Variants in IL1RAPL1 observed in about 807,000 individuals in gnomAD.
The protein encoded by IL1RAPL1 is interleukin 1 receptor accessory protein like 1, also known as interleukin-1 receptor accessory protein-like 1.
In IL1RAPL1, 3 loss-of-function variants were observed where a neutral mutation model predicts 48.4. That is an observed-to-expected ratio of 0.06 (90% CI 0.03 to 0.16). IL1RAPL1 has a LOEUF of 0.16. IL1RAPL1 is among the 10% of genes least tolerant of loss of function. The probability of loss-of-function intolerance (pLI) is 1.00; values close to 1 mark genes in which losing one functional copy is unlikely to be tolerated. For synonymous variants in IL1RAPL1, 185 were observed against 187.7 expected, an observed-to-expected ratio of 0.99 and a Z score of 0.12; for missense variants, 349 against 530.6, an observed-to-expected ratio of 0.66 and a Z score of 3.36.
intron 5 of IL1RAPL1, among the ~76,000 whole-genome samples, chrX:29,531,555 G>A (rs758817527): frequency 7.2e-5 from 8 of 111,564 alleles, no homozygotes; most frequent in Admixed American, 3.8e-4. Flanking sequence ...GAATGAAACC[G>A]AACGCAGAGT....
intron 2 of IL1RAPL1, among the ~76,000 whole-genome samples, chrX:29,163,615 T>A: frequency 9.0e-6 from 1 of 110,937 alleles, no homozygotes; most frequent in Non-Finnish European, 1.9e-5. Context: ...ACCTCTGAAG[T>A]AGGACATGGC....
intron 2 of IL1RAPL1, among the ~76,000 whole-genome samples, chrX:29,055,495 C>A (rs1448354912): frequency 8.9e-6 from 1 of 111,781 alleles, no homozygotes; most frequent in African/African-American, 3.2e-5. Flanking sequence ...ACTTGAAAAA[C>A]ATACTCAGTA....
chrX:28,598,282 A>G (rs956759345), intron 1 of IL1RAPL1, among the ~76,000 whole-genome samples: 1 of 111,960 alleles, frequency 8.9e-6, no homozygotes, highest in Non-Finnish European at 1.9e-5. Context: ...GCCTCCTAGT[A>G]ATAAAAAATC....
In IL1RAPL1 at chrX:29,704,723, C is replaced by T. The variant is rs189225975; in HGVS notation, c.778+36219C>T. On this transcript the variant is annotated intron_variant, in intron 6 of 10. Transcript: ENST00000378993. ...ACCTATTTTAGAACTACAGAAATTT[C>T]ACCCAGGTTGAACTAAATCTAGCTT... Among the ~76,000 whole-genome samples the T allele has an allele frequency of 6.2e-3, 688 of 111,317 alleles. 5 individuals are homozygous for T. The highest frequency in any genetic ancestry group is 0.012 in the South Asian group (33 of 2,641).
At chrX:29,706,130 C>T (rs994312788) in intron 6 of IL1RAPL1, among the ~76,000 whole-genome samples, 1 of 111,239 alleles carries the variant, frequency 9.0e-6, no homozygotes, top group Non-Finnish European at 1.9e-5. Flanking sequence ...CATTCAGTAT[C>T]ACGAGAACAG....
chrX:28,880,529 C>G (rs1922476769), intron 2 of IL1RAPL1, among the ~76,000 whole-genome samples: 1 of 112,099 alleles, frequency 8.9e-6, no homozygotes, highest in African/African-American at 3.2e-5. Context: ...AATTTAAAAC[C>G]AAAGAAATGG....
At chrX:29,605,954 A>G (rs1211561198) in intron 5 of IL1RAPL1, among the ~76,000 whole-genome samples, 1 of 112,030 alleles carries the variant, frequency 8.9e-6, no homozygotes, top group Admixed American at 9.4e-5. Context: ...ATGATATATA[A>G]CAGAAACATT....
intron 5 of IL1RAPL1, among the ~76,000 whole-genome samples, chrX:29,606,648 AC>A (rs1224496715): frequency 3.6e-5 from 4 of 112,258 alleles, no homozygotes; most frequent in Non-Finnish European, 7.5e-5. Context: ...TACAGTCTCT[AC>A]CACACAGACT....
chrX:29,281,590 T>C (rs2147599049), intron 2 of IL1RAPL1, among the ~76,000 whole-genome samples: 2 of 111,707 alleles, frequency 1.8e-5, no homozygotes, highest in South Asian at 7.6e-4. Context: ...TACCTCTGTC[T>C]CTGGCTGGGA....
chrX:29,237,387 G>A (rs1269080384), intron 2 of IL1RAPL1, among the ~76,000 whole-genome samples: 1 of 112,420 alleles, frequency 8.9e-6, no homozygotes, highest in African/African-American at 3.2e-5. Flanking sequence ...CCTTAGCTAT[G>A]AAATGCTGTA....
intron 1 of IL1RAPL1, among the ~76,000 whole-genome samples, chrX:28,619,607 C>CAAA (rs55856491): frequency 1.7e-5 from 1 of 57,292 alleles, no homozygotes; most frequent in Non-Finnish European, 3.3e-5. Context: ...ACCCCGTCTC[C>CAAA]AAAAAAAAAA....
At chrX:29,858,341 A>C (rs943620394) in intron 6 of IL1RAPL1, among the ~76,000 whole-genome samples, 6 of 111,548 alleles carry the variant, frequency 5.4e-5, no homozygotes, top group Non-Finnish European at 1.1e-4. Flanking sequence ...TCACTTTCAC[A>C]GTACCTCTGA....
At chrX:29,496,134 A>G (rs978925997) in intron 5 of IL1RAPL1, among the ~76,000 whole-genome samples, 9 of 111,864 alleles carry the variant, frequency 8.0e-5, no homozygotes, top group Non-Finnish European at 1.1e-4. Context: ...CTTACATTCA[A>G]TGTTTCTAAA....
In IL1RAPL1 at chrX:29,399,256, A is replaced by C. The variant is rs775759727; in HGVS notation, c.651A>C (p.Glu217Asp). The change falls in exon 5 of 11, where the codon GAA becomes GAC. Residue 217 changes from glutamate to aspartate, a missense_variant. By Grantham distance (45) the Glu-to-Asp change is conservative. Around this residue, in one of 3 missense-constraint regions of IL1RAPL1, gnomAD observed 238 missense variants for 337.8 expected, o/e 0.70. Coordinates refer to ENST00000378993, the MANE Select transcript of IL1RAPL1 (RefSeq NM_014271.4). Reference sequence around the variant, plus strand: ...ATGACATTGGAAATTATACCTGTGAATTAAAATATGGAGGCTTTGTTGTGA... The same window carrying C: ...ATGACATTGGAAATTATACCTGTGACTTAAAATATGGAGGCTTTGTTGTGA... Reference protein sequence around the residue: ...REDDIGNYTCELKYGGFVVRR... With the variant: ...REDDIGNYTCDLKYGGFVVRR... 8.2e-5 allele frequency: 98 copies of C among 1,201,156 alleles called. No homozygotes were observed. The Middle Eastern group carries it at 1.8e-3, about 23-fold the overall frequency.
chrX:29,065,320 C>A (rs1927431345), intron 2 of IL1RAPL1, among the ~76,000 whole-genome samples: 1 of 111,205 alleles, frequency 9.0e-6, no homozygotes, highest in Admixed American at 9.6e-5. Context: ...GATTTTGTTT[C>A]TTTCAGTACT....
At position 29,006,647 on chromosome X, in the gene IL1RAPL1, A is replaced by ATATGTG. The variant is rs1274128284; in HGVS notation, c.82+217223_82+217224insATGTGT. ...CCCACATTTGTGTGTGTTTATATATATGTGTGTGTGTGTGTGTGTGTGTGT... is the reference window on the plus strand; with the variant it reads ...CCCACATTTGTGTGTGTTTATATATATATGTGTGTGTGTGTGTGTGTGTGTGTGTGT... On this transcript the variant is annotated intron_variant, in intron 2 of 10. Transcript: ENST00000378993. Among the ~76,000 whole-genome samples, 203 of 76,921 alleles carry ATATGTG rather than the reference A, an allele frequency of 2.6e-3. 1 individual carries two copies. Among genetic ancestry groups the ATATGTG allele is most frequent in the African/African-American group, 8.1e-3 (163 of 20,233 alleles). 66.8% of individuals were successfully genotyped at this position (76,921 alleles called of 115,157 possible).
intron 2 of IL1RAPL1, among the ~76,000 whole-genome samples, chrX:29,088,830 CA>C (rs1184509547): frequency 9.1e-6 from 1 of 110,367 alleles, no homozygotes; most frequent in Admixed American, 9.7e-5. Context: ...ATATTTAATG[CA>C]AAAAAGAATT....
At chrX:28,901,755 G>A (rs964580513) in intron 2 of IL1RAPL1, among the ~76,000 whole-genome samples, 6 of 111,459 alleles carry the variant, frequency 5.4e-5, no homozygotes, top group South Asian at 3.7e-4. Context: ...TTTCATTTGC[G>A]GTATTCTCCA....
intron 1 of IL1RAPL1, among the ~76,000 whole-genome samples, chrX:28,654,459 T>C (rs1212508860): frequency 2.7e-5 from 3 of 111,900 alleles, no homozygotes; most frequent in African/African-American, 9.7e-5. Flanking sequence ...CGATTAAATG[T>C]TTATTGTTAA....
Sources: allele counts gnomAD v4.1 joint callset (sites outside exome capture counted in the v4.1 genomes callset), GRCh38; gene constraint gnomAD v4.1.1; regional missense constraint gnomAD v4.1.1; transcripts MANE v1.5; gene names NCBI Gene and HGNC (gene_info 2026-07-23, HGNC 2026-07-21).